Variants in EXOC6B observed in about 807,000 individuals in gnomAD.
EXOC6B encodes the protein SEC15 homolog B.
A neutral mutation model predicts 113.5 loss-of-function variants in EXOC6B; 54 were observed. That is an observed-to-expected ratio of 0.48 (90% CI 0.38 to 0.60). The LOEUF (loss-of-function observed/expected upper bound fraction) is 0.60. Ranked by LOEUF, EXOC6B falls within the 20% of genes least tolerant of loss-of-function variation. The pLI is 0.00. For synonymous variants in EXOC6B, 357 were observed against 339.0 expected (o/e 1.05, Z -0.58); for missense variants, 797 against 977.5 (o/e 0.82, Z 2.46).
chr2:72,443,886 C>T (rs1241852738), intron 18 of EXOC6B, among the ~76,000 whole-genome samples: 2 of 152,084 alleles, frequency 1.3e-5, no homozygotes, highest in Non-Finnish European at 2.9e-5. Flanking sequence ...ACAGCCAAAC[C>T]ATATCATTCT....
chr2:72,493,731 A>G (rs1699887512), intron 15 of EXOC6B, among the ~76,000 whole-genome samples: 1 of 152,114 alleles, frequency 6.6e-6, no homozygotes, highest in South Asian at 2.1e-4. Context: ...TCAAAAAGAA[A>G]GTTTTACGTA....
At chr2:72,377,572 AC>A (rs1278033090) in intron 19 of EXOC6B, among the ~76,000 whole-genome samples, 1 of 152,216 alleles carries the variant, frequency 6.6e-6, no homozygotes, top group Non-Finnish European at 1.5e-5. Context: ...ACATGGATGA[AC>A]CTGGAGGACC....
At position 72,559,337 on chromosome 2, in the gene EXOC6B, AAG is replaced by A. The variant is rs1465429797; in HGVS notation, c.915+114_915+115del. 3.3e-5 allele frequency: 21 copies of A among 633,566 alleles called. No individual in the cohort carries two copies. The South Asian group carries it at 9.2e-4, about 28-fold the overall frequency. The allele number at this position is 633,566 out of a possible 1,614,324, so 39.2% of individuals were successfully genotyped here. On this transcript the variant is annotated intron_variant, in intron 8 of 21. Coordinates refer to ENST00000272427, the MANE Select transcript of EXOC6B (RefSeq NM_015189.3). ...TTATAATTAACAGTCCTTAAACAACAAGAGTTTTCTCATTTTTCACTCTTAAT... is the reference window on the plus strand; with the variant it reads ...TTATAATTAACAGTCCTTAAACAACAAGTTTTCTCATTTTTCACTCTTAAT...
intron 1 of EXOC6B, among the ~76,000 whole-genome samples, chr2:72,811,847 C>T (rs997464760): frequency 1.3e-5 from 2 of 152,110 alleles, no homozygotes; most frequent in Non-Finnish European, 2.9e-5. Flanking sequence ...ACAAAATTCA[C>T]TCTTTCACAA....
At chr2:72,388,333 T>C (rs904988887) in intron 18 of EXOC6B, among the ~76,000 whole-genome samples, 1 of 152,232 alleles carries the variant, frequency 6.6e-6, no homozygotes, top group Non-Finnish European at 1.5e-5. Context: ...TGTTGTCTAA[T>C]ATCCAATGAT....
At chr2:72,386,429 G>C (rs961124554) in intron 18 of EXOC6B, among the ~76,000 whole-genome samples, 2 of 152,154 alleles carry the variant, frequency 1.3e-5, no homozygotes, top group South Asian at 2.1e-4. Flanking sequence ...AAAGGTCTCC[G>C]AGGCAAGTCA....
intron 20 of EXOC6B, among the ~76,000 whole-genome samples, chr2:72,234,909 C>A (rs1681861584): frequency 6.6e-6 from 1 of 151,958 alleles, no homozygotes; most frequent in Non-Finnish European, 1.5e-5. Flanking sequence ...CAGATGTTGG[C>A]AAGATTGTAG....
intron 6 of EXOC6B, among the ~76,000 whole-genome samples, chr2:72,674,046 T>A (rs575499601): frequency 6.6e-6 from 1 of 152,306 alleles, no homozygotes; most frequent in African/African-American, 2.4e-5. Flanking sequence ...GGTTTCATAT[T>A]TAAAACTTCC....
chr2:72,275,740 G>A (rs1302362654), intron 20 of EXOC6B, among the ~76,000 whole-genome samples: 1 of 152,222 alleles, frequency 6.6e-6, no homozygotes, highest in Non-Finnish European at 1.5e-5. Context: ...GCTGTGCCAA[G>A]AGGCCACACA....
At chr2:72,716,085 G>T (rs1179599634) in intron 6 of EXOC6B, among the ~76,000 whole-genome samples, 1 of 152,160 alleles carries the variant, frequency 6.6e-6, no homozygotes, top group East Asian at 1.9e-4. Context: ...GCTAGGTATG[G>T]CTATATAATT....
chr2:72,535,792 C>T (rs184484572), intron 8 of EXOC6B, among the ~76,000 whole-genome samples: 2 of 151,300 alleles, frequency 1.3e-5, no homozygotes, highest in East Asian at 3.9e-4. Flanking sequence ...ATCACTTGCA[C>T]TGGGGAGGCG....
intron 6 of EXOC6B, among the ~76,000 whole-genome samples, chr2:72,634,227 C>T (rs369505486): frequency 6.6e-6 from 1 of 152,160 alleles, no homozygotes; most frequent in African/African-American, 2.4e-5. Flanking sequence ...CAATCTATAG[C>T]CTGTATTTGT....
At chr2:72,800,899 C>A (rs1205259583) in intron 1 of EXOC6B, among the ~76,000 whole-genome samples, 1 of 152,174 alleles carries the variant, frequency 6.6e-6, no homozygotes, top group Admixed American at 6.5e-5. Context: ...GGACTTTCTC[C>A]ATCTACCTAA....
At chr2:72,647,671 A>C (rs1030607829) in intron 6 of EXOC6B, among the ~76,000 whole-genome samples, 2 of 152,156 alleles carry the variant, frequency 1.3e-5, no homozygotes, top group East Asian at 1.9e-4. Context: ...CAAAAACAAG[A>C]AATGGGGAAA....
At position 72,514,626 on chromosome 2, in the gene EXOC6B, A is replaced by G; in HGVS notation, c.1046+8T>C. On this transcript the variant is annotated splice_region_variant and intron_variant, in intron 10 of 21. Transcript: ENST00000272427. Reference sequence around the variant, plus strand: ...AATAAATATATATATATATATATATATACCTACCCTACAATTTGATTAAAA... The same window carrying G: ...AATAAATATATATATATATATATATGTACCTACCCTACAATTTGATTAAAA... 1.5e-6 allele frequency: 1 copy of G among 662,948 alleles called. No individual in the cohort carries two copies. The highest frequency in any genetic ancestry group is 2.4e-6 in the Non-Finnish European group (1 of 408,852). 41.1% of individuals were successfully genotyped at this position (662,948 alleles called of 1,614,324 possible).
At chr2:72,664,654 A>G (rs1675264044) in intron 6 of EXOC6B, among the ~76,000 whole-genome samples, 2 of 152,190 alleles carry the variant, frequency 1.3e-5, no homozygotes, top group Admixed American at 1.3e-4. Context: ...CTCTAGCCCC[A>G]GCTGATCACT....
intron 6 of EXOC6B, among the ~76,000 whole-genome samples, chr2:72,635,071 A>C (rs759662533): frequency 2.4e-4 from 37 of 152,164 alleles, no homozygotes; most frequent in African/African-American, 8.4e-4. Context: ...TAATGCAAGG[A>C]GGAAATTTCT....
intron 1 of EXOC6B, among the ~76,000 whole-genome samples, chr2:72,781,112 C>G (rs1465104356): frequency 2.6e-5 from 4 of 152,122 alleles, no homozygotes; most frequent in Non-Finnish European, 5.9e-5. Context: ...ATACCAAGTC[C>G]TGAATCCATA....
At chr2:72,764,234 T>C (rs1682922883) in intron 1 of EXOC6B, among the ~76,000 whole-genome samples, 1 of 152,086 alleles carries the variant, frequency 6.6e-6, no homozygotes, top group African/African-American at 2.4e-5. Context: ...ATACCCCTTT[T>C]AGTTTTTCTA....
Sources: gnomAD v4.1 joint callset for allele counts (sites outside exome capture counted in the v4.1 genomes callset) on GRCh38, gnomAD v4.1.1 for gene constraint, MANE v1.5 for transcripts, NCBI Gene and HGNC (gene_info 2026-07-23, HGNC 2026-07-21) for gene names.